CACNA2D1: variants seen among roughly 807,000 people sequenced by gnomAD.
The protein encoded by CACNA2D1 is calcium voltage-gated channel auxiliary subunit alpha2delta 1.
A neutral mutation model predicts 171.5 loss-of-function variants in CACNA2D1; 53 were observed. That is an observed-to-expected ratio of 0.31 (90% CI 0.25 to 0.39). The LOEUF (loss-of-function observed/expected upper bound fraction) is 0.39, where lower values mean the gene tolerates loss of function less well. Among genes scored for constraint, CACNA2D1 ranks in the 10% least tolerant of loss-of-function variants. CACNA2D1 has a pLI of 1.00. For missense variants in CACNA2D1, 903 were observed against 1,299.8 expected, an observed-to-expected ratio of 0.69 and a Z score of 4.69; for synonymous variants, 442 against 443.1, an observed-to-expected ratio of 1.00 and a Z score of 0.03.
Position 81,959,339 on chromosome 7 carries a change from C to G in CACNA2D1, c.3095G>C (p.Cys1032Ser). Residue 1032 changes from cysteine to serine, a missense_variant, in exon 38 of 39, where the codon TGT becomes TCT. Coordinates refer to ENST00000356860, the MANE Select transcript of CACNA2D1 (RefSeq NM_000722.4). ...GTATCTGGGTTGCTTAACCATGTCA[C>G]AAGGATTTGGACCGTCAGCTAAAAG... ...AEQTSDGPNP[C>S]DMVKQPRYRK... 1 of 1,610,302 alleles carries G rather than the reference C, an allele frequency of 6.2e-7. No homozygotes were observed. The highest frequency in any genetic ancestry group is 1.1e-5 in the South Asian group (1 of 91,038).
intron 7 of CACNA2D1, among the ~76,000 whole-genome samples, chr7:82,080,396 T>C (rs951238196): frequency 5.3e-5 from 8 of 152,106 alleles, no homozygotes; most frequent in Admixed American, 6.5e-5. Flanking sequence ...AAATTCTATA[T>C]ATCTGGACGA....
At chr7:82,059,439 A>G (rs932360203) in intron 10 of CACNA2D1, among the ~76,000 whole-genome samples, 1 of 152,168 alleles carries the variant, frequency 6.6e-6, no homozygotes, top group Non-Finnish European at 1.5e-5. Context: ...CTATAAAAAC[A>G]TAATACATTA....
chr7:82,153,410 T>C (rs1220542252), intron 4 of CACNA2D1, among the ~76,000 whole-genome samples: 1 of 152,032 alleles, frequency 6.6e-6, no homozygotes. Context: ...AGATCTTATT[T>C]CTAATAAGTT....
At chr7:82,180,188 G>A (rs748595360) in intron 3 of CACNA2D1, among the ~76,000 whole-genome samples, 1 of 152,134 alleles carries the variant, frequency 6.6e-6, no homozygotes, top group Non-Finnish European at 1.5e-5. Flanking sequence ...CCTCCAGAGC[G>A]AGGGCAGATT....
chr7:82,439,418 G>A (rs1830333639), intron 1 of CACNA2D1, among the ~76,000 whole-genome samples: 1 of 151,738 alleles, frequency 6.6e-6, no homozygotes, highest in Non-Finnish European at 1.5e-5. Context: ...AGTTTGTTGT[G>A]AAGAAAACAA....
chr7:82,365,881 CAGTT>C (rs1821639184), intron 1 of CACNA2D1, among the ~76,000 whole-genome samples: 2 of 152,150 alleles, frequency 1.3e-5, no homozygotes, highest in African/African-American at 4.8e-5. Flanking sequence ...CTCCTGAACA[CAGTT>C]AGATGACAGA....
rs754041784 is a variant in CACNA2D1 at position 82,084,905 on chromosome 7, C to CA, written c.527-6dup. The CA allele has an allele frequency of 3.1e-6, 5 of 1,607,360 alleles. No homozygotes were observed. In the East Asian group the frequency reaches 8.9e-5, roughly 29 times the overall value. ...GTTCATTTAACACAATTGTTGCTAA[C>CA]AAAAAAGAGAGAAACCATTAATTAA... On this transcript the variant is annotated splice_region_variant and splice_polypyrimidine_tract_variant and intron_variant, in intron 6 of 38. Coordinates refer to ENST00000356860, the MANE Select transcript of CACNA2D1 (RefSeq NM_000722.4).
intron 3 of CACNA2D1, among the ~76,000 whole-genome samples, chr7:82,297,003 G>A (rs956360218): frequency 6.7e-6 from 1 of 148,746 alleles, no homozygotes; most frequent in Non-Finnish European, 1.5e-5. Flanking sequence ...GGGAGGCGGA[G>A]GTGGGAAGAT....
intron 7 of CACNA2D1, among the ~76,000 whole-genome samples, chr7:82,081,234 CCTT>C: frequency 6.6e-6 from 1 of 152,156 alleles, no homozygotes; most frequent in Middle Eastern, 3.4e-3. Context: ...AGGGGTGAGT[CCTT>C]CTATATTATT....
chr7:82,050,749 CAAT>C, intron 10 of CACNA2D1: 1 of 655,582 alleles, frequency 1.5e-6, no homozygotes, highest in Non-Finnish European at 2.8e-6. Context: ...CACTAAATAA[CAAT>C]AATCATCATC....
chr7:81,947,714 G>C lies in CACNA2D1; in HGVS notation c.*2678C>G, dbSNP rs1792150543. On this transcript the variant is annotated 3_prime_UTR_variant, in exon 39 of 39. Coordinates refer to ENST00000356860, the MANE Select transcript of CACNA2D1 (RefSeq NM_000722.4). ...CGTTGGAAATCAATATTAATAACAG[G>C]CTATAATTTAAGTTCTTGTCAATGT... 1 of 151,722 alleles carries C rather than the reference G, an allele frequency of 6.6e-6. No homozygotes were observed. The highest frequency in any genetic ancestry group is 2.1e-4 in the South Asian group (1 of 4,818). The allele number at this position is 151,722 out of a possible 1,614,324, so 9.4% of individuals were successfully genotyped here. A position where few individuals can be genotyped will look rare whatever the true frequency, so the allele number is the denominator to read the frequency against.
intron 7 of CACNA2D1, among the ~76,000 whole-genome samples, chr7:82,077,985 A>C (rs1279562118): frequency 6.6e-6 from 1 of 152,144 alleles, no homozygotes; most frequent in African/African-American, 2.4e-5. Context: ...AAAGTGGTAC[A>C]CAATTTAAGA....
chr7:82,387,320 G>C (rs1053249546), intron 1 of CACNA2D1, among the ~76,000 whole-genome samples: 3 of 151,902 alleles, frequency 2.0e-5, no homozygotes, highest in Non-Finnish European at 4.4e-5. Context: ...AGCATTCTTA[G>C]TTGTTATTCC....
chr7:82,227,613 C>A (rs1802493186), intron 3 of CACNA2D1, among the ~76,000 whole-genome samples: 2 of 152,152 alleles, frequency 1.3e-5, no homozygotes, highest in South Asian at 4.1e-4. Flanking sequence ...TGCTTGATAG[C>A]AGTACAGCCG....
At chr7:82,382,548 T>C (rs543161657) in intron 1 of CACNA2D1, among the ~76,000 whole-genome samples, 1 of 152,272 alleles carries the variant, frequency 6.6e-6, no homozygotes, top group South Asian at 2.1e-4. Context: ...CAGAGACTAT[T>C]CAGAGAACTG....
chr7:82,378,545 T>G (rs886591073), intron 1 of CACNA2D1, among the ~76,000 whole-genome samples: 3 of 152,214 alleles, frequency 2.0e-5, no homozygotes, highest in African/African-American at 7.2e-5. Context: ...ACGATAGAAT[T>G]TCTTTTGAAC....
intron 4 of CACNA2D1, among the ~76,000 whole-genome samples, chr7:82,145,791 GACAC>G (rs1281845671): frequency 6.7e-6 from 1 of 148,780 alleles, no homozygotes; most frequent in Non-Finnish European, 1.5e-5. Context: ...TAATCTTTGA[GACAC>G]ATTCATTCAC....
chr7:82,414,998 T>G lies in CACNA2D1; in HGVS notation c.95+28367A>C, dbSNP rs547982496. ...TATTTAGGGGAAGAAGAAAAACAAC[T>G]TTCTAAATTAGCTCCCTTTTTTATT... On this transcript the variant is annotated intron_variant, in intron 1 of 38. Coordinates refer to ENST00000356860, the MANE Select transcript of CACNA2D1 (RefSeq NM_000722.4). 2.6e-5 allele frequency among the ~76,000 whole-genome samples: 4 copies of G among 152,312 alleles called. No individual in the cohort carries two copies. In the South Asian group the frequency reaches 8.3e-4, roughly 32 times the overall value.
At chr7:82,263,391 A>C (rs1047547621) in intron 3 of CACNA2D1, among the ~76,000 whole-genome samples, 1 of 152,058 alleles carries the variant, frequency 6.6e-6, no homozygotes, top group East Asian at 1.9e-4. Flanking sequence ...GATTACAGGA[A>C]TGAGCCACCA....
Sources: allele counts gnomAD v4.1 joint callset (sites outside exome capture counted in the v4.1 genomes callset), GRCh38; gene constraint gnomAD v4.1.1; transcripts MANE v1.5; gene names NCBI Gene and HGNC (gene_info 2026-07-23, HGNC 2026-07-21).